The following LMF1 variants were observed in gnomAD, a reference collection of about 807,000 sequenced individuals.
The protein encoded by LMF1 is lipase maturation factor 1.
Under a neutral mutation model 60.6 loss-of-function variants are expected in LMF1, and 68 were observed. The observed-to-expected ratio is 1.12, with a 90% CI of 0.92 to 1.37. The LOEUF is 1.37. Among genes scored for constraint, LMF1 ranks in the 40% most tolerant of loss-of-function variants. The pLI is 0.00. For missense variants in LMF1, 948 were observed against 767.2 expected (o/e 1.24, Z -2.78); for synonymous variants, 418 against 324.7 (o/e 1.29, Z -3.09).
upstream of LMF1, among the ~76,000 whole-genome samples, chr16:974,002 T>C (rs1182642333): frequency 7.0e-6 from 1 of 142,726 alleles, no homozygotes; most frequent in Non-Finnish European, 1.5e-5. Context: ...AGAGCGAGAC[T>C]CTGTCTCAAA....
chr16:860,156 G>A (rs1051596643), intron 10 of LMF1, among the ~76,000 whole-genome samples: 9 of 151,992 alleles, frequency 5.9e-5, no homozygotes, highest in Non-Finnish European at 1.3e-4. Context: ...TGTCAGATAC[G>A]TGACTTGCAA....
At chr16:911,237 A>G in intron 3 of LMF1, 158 bp from the exon 4 acceptor site, 3 of 865,166 alleles carry the variant, frequency 3.5e-6, no homozygotes, top group Non-Finnish European at 1.9e-6. Context: ...CAACATCGAC[A>G]CGCAAGGTCA....
chr16:893,510 C>T (rs976629895), intron 4 of LMF1, among the ~76,000 whole-genome samples: 1 of 152,174 alleles, frequency 6.6e-6, no homozygotes, highest in African/African-American at 2.4e-5. Context: ...GTCTCAGCCC[C>T]GCCCCCTGCG....
chr16:934,912 CT>C (rs1490816245), intron 2 of LMF1, among the ~76,000 whole-genome samples: 1 of 152,232 alleles, frequency 6.6e-6, no homozygotes, highest in Non-Finnish European at 1.5e-5. Context: ...AAGAAACCCC[CT>C]CTGCCACCTA....
At chr16:870,137 G>A (rs1229211913) in intron 8 of LMF1, 71 bp from the exon 9 acceptor site, 2 of 1,515,314 alleles carry the variant, frequency 1.3e-6, no homozygotes, top group Admixed American at 1.9e-5. Flanking sequence ...CATGGGTGGG[G>A]GGGGTTCCCC....
chr16:978,127 AC>A (rs1431829631), intron 1 of LMF1, among the ~76,000 whole-genome samples: 1 of 109,760 alleles, frequency 9.1e-6, no homozygotes, highest in Non-Finnish European at 1.9e-5. Context: ...CCATACACAC[AC>A]CACACCACAC....
chr16:865,420 G>A (rs575386210), intron 10 of LMF1, among the ~76,000 whole-genome samples: 13 of 151,922 alleles, frequency 8.6e-5, no homozygotes, highest in African/African-American at 2.4e-4. Flanking sequence ...GTGTGATCTC[G>A]GCTCACTGCA....
chr16:861,251 T>G (rs2069455340), intron 10 of LMF1, among the ~76,000 whole-genome samples: 1 of 152,182 alleles, frequency 6.6e-6, no homozygotes, highest in African/African-American at 2.4e-5. Flanking sequence ...GTATTTAATT[T>G]AGGTGTCTGT....
At chr16:912,731 T>G (rs1285410115) in intron 3 of LMF1, among the ~76,000 whole-genome samples, 1 of 152,208 alleles carries the variant, frequency 6.6e-6, no homozygotes, top group Non-Finnish European at 1.5e-5. Context: ...TGGCTGGGCC[T>G]TGCGGACACC....
At chr16:859,322 T>G (rs1445881915) in intron 10 of LMF1, among the ~76,000 whole-genome samples, 40 of 1,078 alleles carry the variant, frequency 0.037, 6 homozygotes, top group Non-Finnish European at 0.046. Context: ...GTGTGCAGTG[T>G]TGTCACGGGA....
rs908317520 is a variant in LMF1, at chr16:942,360, C to T, written c.504-8106G>A. Among the ~76,000 whole-genome samples, 7 of 152,238 alleles carry T rather than the reference C, an allele frequency of 4.6e-5. No homozygotes were observed. The East Asian group carries it at 1.2e-3, about 25-fold the overall frequency. ...TATTCGGTAGTTTGACTACAATGTG[C>T]CCAGATAACATTTTCTCTTACTTTT... On this transcript the variant is annotated intron_variant, in intron 2 of 10. Coordinates refer to ENST00000262301, the MANE Select transcript of LMF1 (RefSeq NM_022773.4).
At chr16:858,654 G>A (rs2069297167) in intron 10 of LMF1, among the ~76,000 whole-genome samples, 1 of 105,680 alleles carries the variant, frequency 9.5e-6, no homozygotes, top group Non-Finnish European at 1.9e-5. Flanking sequence ...GTCTCGGGAC[G>A]GGTGTGAGTG....
intron 5 of LMF1, among the ~76,000 whole-genome samples, chr16:889,627 C>T (rs1441252591): frequency 6.6e-6 from 1 of 152,196 alleles, no homozygotes; most frequent in Non-Finnish European, 1.5e-5. Flanking sequence ...CCCTCTGACT[C>T]CTTATCTGAC....
intron 4 of LMF1, among the ~76,000 whole-genome samples, chr16:898,022 G>A (rs1408833631): frequency 2.6e-5 from 4 of 152,220 alleles, no homozygotes; most frequent in Non-Finnish European, 5.9e-5. Flanking sequence ...CTGGAGGAGG[G>A]GCCTCGCCTC....
At chr16:953,427 T>C (rs71380222) in intron 2 of LMF1, among the ~76,000 whole-genome samples, 3,808 of 7,868 alleles carry the variant, frequency 0.48, 764 homozygotes, top group East Asian at 0.72. Flanking sequence ...TCCTACACGT[T>C]CACACAGACA....
At chr16:879,432 G>A in intron 6 of LMF1, 138 bp downstream of exon 6, 2 of 1,022,042 alleles carry the variant, frequency 2.0e-6, no homozygotes, top group Non-Finnish European at 2.8e-6. Context: ...CACAAACGAA[G>A]GCTGGGGAGG....
chr16:904,411 G>A (rs12919680), intron 4 of LMF1, among the ~76,000 whole-genome samples: 1 of 106,328 alleles, frequency 9.4e-6, no homozygotes, highest in Admixed American at 9.9e-5. Flanking sequence ...CAGGACGCCT[G>A]TCTCTGCTGC....
chr16:978,353 C>CCA (rs71142796), intron 1 of LMF1, among the ~76,000 whole-genome samples: 34,635 of 151,220 alleles, frequency 0.23, 4,188 homozygotes, highest in African/African-American at 0.28. Context: ...CAAACACACA[C>CCA]CACACACACA....
At chr16:881,592 T>G (rs1183671705) in intron 5 of LMF1, 1 of 152,164 alleles carries the variant, frequency 6.6e-6, no homozygotes, top group African/African-American at 2.4e-5. Context: ...CAGCAGATCT[T>G]GGGGGAGAAT....
Sources: allele counts gnomAD v4.1 joint callset (sites outside exome capture counted in the v4.1 genomes callset), GRCh38; gene constraint gnomAD v4.1.1; transcripts MANE v1.5; gene names NCBI Gene and HGNC (gene_info 2026-07-23, HGNC 2026-07-21).